The following SCML4 variants were observed in gnomAD, a reference collection of about 807,000 sequenced individuals.
SCML4 encodes Scm polycomb group protein like 4, also known as sex comb on midleg-like protein 4.
SCML4 carries 34 observed loss-of-function variants against 41.1 expected under a neutral mutation model. The ratio of observed to expected loss-of-function variants is 0.83; its 90% CI spans 0.63 to 1.10. The LOEUF (loss-of-function observed/expected upper bound fraction) is 1.10. Among genes scored for constraint, SCML4 ranks in the 50% least tolerant of loss-of-function variants. The probability of loss-of-function intolerance (pLI) is 0.00; values close to 1 mark genes in which losing one functional copy is unlikely to be tolerated. For synonymous variants in SCML4, 214 were observed against 220.9 expected (o/e 0.97, Z 0.28); for missense variants, 522 against 534.1 (o/e 0.98, Z 0.22).
chr6:107,807,201 T>C (rs1003163991), intron 1 of SCML4, among the ~76,000 whole-genome samples: 2 of 152,176 alleles, frequency 1.3e-5, no homozygotes, highest in South Asian at 2.1e-4. Flanking sequence ...AAGACCCTTT[T>C]ACAAAATGCT....
chr6:107,818,739 C>G (rs780849178), intron 1 of SCML4, among the ~76,000 whole-genome samples: 1 of 152,236 alleles, frequency 6.6e-6, no homozygotes, highest in Non-Finnish European at 1.5e-5. Context: ...TTTTTCTCTT[C>G]GGTTCTTCCT....
At chr6:107,768,012 G>A (rs749565018) in intron 2 of SCML4, among the ~76,000 whole-genome samples, 4 of 151,566 alleles carry the variant, frequency 2.6e-5, no homozygotes, top group Non-Finnish European at 5.9e-5. Flanking sequence ...TGTAACCCCA[G>A]CGCTTTGGGA....
chr6:107,784,870 T>C (rs1781766740), intron 1 of SCML4, among the ~76,000 whole-genome samples: 1 of 152,170 alleles, frequency 6.6e-6, no homozygotes, highest in Non-Finnish European at 1.5e-5. Flanking sequence ...GGGATCCTAA[T>C]CACCCCAGTG....
At chr6:107,752,621 C>A (rs181649855) in intron 2 of SCML4, among the ~76,000 whole-genome samples, 27 of 152,170 alleles carry the variant, frequency 1.8e-4, no homozygotes, top group Admixed American at 1.8e-3. Context: ...TGGAAAGGTT[C>A]TTTCAAGGAG....
chr6:107,812,957 C>T (rs1203632662), intron 1 of SCML4, among the ~76,000 whole-genome samples: 3 of 151,790 alleles, frequency 2.0e-5, no homozygotes, highest in Admixed American at 2.0e-4. Flanking sequence ...CTAACTAGTA[C>T]ACCTCCTGCA....
Position 107,720,872 on chromosome 6 carries a change from G to A in SCML4, c.804C>T (p.Tyr268=). The A allele has an allele frequency of 1.2e-6, 2 of 1,614,218 alleles. No individual in the cohort carries two copies. ...RGSLHPSSSL[Y]CKRQNSGDSH... ...TGTCTCCAGAGTTCTGCCTCTTGCA[G>A]TACAGCGAGGAGGAGGGGTGCAAGG... is the stretch of plus-strand genomic sequence containing the variant. Residue 268 remains tyrosine, a synonymous_variant, in exon 6 of 8, where the codon TAC becomes TAT. Transcript: ENST00000369020.
intron 5 of SCML4, among the ~76,000 whole-genome samples, chr6:107,736,166 G>A (rs144617887): frequency 8.5e-5 from 13 of 152,314 alleles, no homozygotes; most frequent in Middle Eastern, 3.4e-3. Flanking sequence ...AAAACATCCC[G>A]TGTGGGAAAG....
chr6:107,823,337 G>A (rs1785084776), intron 1 of SCML4, among the ~76,000 whole-genome samples: 1 of 152,110 alleles, frequency 6.6e-6, no homozygotes, highest in Non-Finnish European at 1.5e-5. Flanking sequence ...CTGCACCCTG[G>A]CCTCATCCAC....
chr6:107,781,393 T>C (rs957147172), intron 1 of SCML4, among the ~76,000 whole-genome samples: 1 of 152,122 alleles, frequency 6.6e-6, no homozygotes, highest in African/African-American at 2.4e-5. Flanking sequence ...ACGCCTGTAA[T>C]CCCAGCACTT....
intron 5 of SCML4, among the ~76,000 whole-genome samples, chr6:107,732,669 G>C (rs1051531482): frequency 1.3e-5 from 2 of 152,206 alleles, no homozygotes; most frequent in Admixed American, 6.5e-5. Flanking sequence ...CTCGGGAGGA[G>C]AGCAGGTTCC....
intron 4 of SCML4, chr6:107,745,896 G>A (rs1258222847): frequency 6.6e-6 from 1 of 152,232 alleles, no homozygotes; most frequent in Non-Finnish European, 1.5e-5. Flanking sequence ...GTGGGGCTGA[G>A]GTCGGAAGAT....
intron 6 of SCML4, among the ~76,000 whole-genome samples, chr6:107,717,328 G>A (rs1774939964): frequency 6.8e-6 from 1 of 148,144 alleles, no homozygotes; most frequent in Non-Finnish European, 1.5e-5. Flanking sequence ...GAGAATTAAA[G>A]TGTTAACAGA....
At chr6:107,746,606 T>C in intron 4 of SCML4, 83 bp downstream of exon 4, 1 of 1,252,830 alleles carries the variant, frequency 8.0e-7, no homozygotes, top group Non-Finnish European at 1.1e-6. Flanking sequence ...TGGCCACACC[T>C]GCTGTCTCCA....
chr6:107,788,873 G>C (rs1165122477), intron 1 of SCML4, among the ~76,000 whole-genome samples: 1 of 152,160 alleles, frequency 6.6e-6, no homozygotes, highest in Non-Finnish European at 1.5e-5. Flanking sequence ...GAACAGAATG[G>C]GTGAAAGAGT....
At chr6:107,733,824 C>A (rs1252698316) in intron 5 of SCML4, among the ~76,000 whole-genome samples, 2 of 152,210 alleles carry the variant, frequency 1.3e-5, no homozygotes, top group Admixed American at 1.3e-4. Flanking sequence ...GCCCATCTCC[C>A]GGACCTACTC....
chr6:107,828,943 C>A (rs1785324386), upstream of SCML4, among the ~76,000 whole-genome samples: 1 of 152,140 alleles, frequency 6.6e-6, no homozygotes, highest in Middle Eastern at 3.2e-3. Context: ...ACCTAAATCA[C>A]AGAATACACA....
the SCML4 span, among the ~76,000 whole-genome samples, chr6:107,829,494 G>A: frequency 6.6e-6 from 1 of 152,164 alleles, no homozygotes; most frequent in Non-Finnish European, 1.5e-5. Context: ...TTTCTTTTGT[G>A]ATAATCAAAA....
intron 2 of SCML4, among the ~76,000 whole-genome samples, chr6:107,756,736 C>T (rs1301120073): frequency 6.6e-6 from 1 of 152,144 alleles, no homozygotes; most frequent in Non-Finnish European, 1.5e-5. Context: ...TTTATCTCTG[C>T]AATACTTCTG....
intron 1 of SCML4, among the ~76,000 whole-genome samples, chr6:107,792,454 G>A (rs891766885): frequency 2.6e-5 from 4 of 152,142 alleles, no homozygotes; most frequent in Admixed American, 1.3e-4. Flanking sequence ...AAAGGGGGCC[G>A]GGCGTTGTGG....
Sources: gnomAD v4.1 joint callset for allele counts (sites outside exome capture counted in the v4.1 genomes callset) on GRCh38, gnomAD v4.1.1 for gene constraint, MANE v1.5 for transcripts, NCBI Gene and HGNC (gene_info 2026-07-23, HGNC 2026-07-21) for gene names.